PPP1R16A: variants seen among roughly 807,000 people sequenced by gnomAD.
The protein encoded by PPP1R16A is myosin phosphatase-targeting subunit 3.
Under a neutral mutation model 46.6 loss-of-function variants are expected in PPP1R16A, and 39 were observed. The observed-to-expected ratio is 0.84, with a 90% CI of 0.65 to 1.09. The LOEUF (loss-of-function observed/expected upper bound fraction) is 1.09, where lower values mean the gene tolerates loss of function less well. PPP1R16A is among the 50% of genes least tolerant of loss of function. PPP1R16A has a pLI of 0.00. For missense variants in PPP1R16A, 798 were observed against 735.6 expected, an observed-to-expected ratio of 1.08 and a Z score of -0.98; for synonymous variants, 413 against 321.5, an observed-to-expected ratio of 1.28 and a Z score of -3.04.
chr8:144,500,970 G>A lies in PPP1R16A; in HGVS notation c.1036G>A (p.Gly346Arg). 12 of 1,452,248 alleles carry A rather than the reference G, an allele frequency of 8.3e-6. No homozygotes were observed. The highest frequency in any genetic ancestry group is 9.9e-6 in the Non-Finnish European group (11 of 1,113,342). 90.0% of individuals were successfully genotyped at this position (1,452,248 alleles called of 1,614,324 possible). A position where few individuals can be genotyped will look rare whatever the true frequency, so the allele number is the denominator to read the frequency against. ...CCGCACCTCCAGCGCCGGCAGCCGC[G>A]GGTGAGCGCCGCCCCCAGCAGGCCC... The part of the protein sequence containing the change: ...RRRTSSAGSR[G>R]KVVRRVSLTQ... The change falls in exon 10 of 12, where the codon GGG (glycine) becomes AGG (arginine). Residue 346 changes from glycine to arginine, a missense_variant and splice_region_variant. Gly to Arg is a moderately radical substitution (Grantham distance 125). Coordinates refer to ENST00000435887, the MANE Select transcript of PPP1R16A (RefSeq NM_001329443.2).
rs1457651879 is a variant in PPP1R16A at position 144,501,543 on chromosome 8, G to A, written c.1227G>A (p.Arg409=). ...AGGAGGACAACCCCGAAGTGGTCAG[G>A]CCGCACAATGGCCGAGTAGGGGGCT... is the stretch of plus-strand genomic sequence containing the variant. ...PPEEDNPEVV[R]PHNGRVGGSP... is the part of the protein sequence containing the mutation. The change falls in exon 12 of 12, where the codon AGG becomes AGA. Residue 409 remains arginine, a synonymous_variant. Coordinates refer to ENST00000435887, the MANE Select transcript of PPP1R16A (RefSeq NM_001329443.2). 5.1e-6 allele frequency: 8 copies of A among 1,579,802 alleles called. No homozygotes were observed. The highest frequency in any genetic ancestry group is 2.3e-5 in the South Asian group (2 of 86,428).
In PPP1R16A at chr8:144,500,285, T is replaced by C. The variant is rs1826350405; in HGVS notation, c.599T>C (p.Ile200Thr). ...MADRGITQDSIEAARAVPELR... is the reference protein window; with the variant it reads ...MADRGITQDSTEAARAVPELR... ...CTCGCAGGCATCACCCAGGACAGCA[T>C]CGAGGCCGCCCGGGCCGTGCCAGAA... The change falls in exon 7 of 12, where the codon ATC becomes ACC. Residue 200 changes from isoleucine to threonine, a missense_variant. Ile to Thr is a moderately conservative substitution (Grantham distance 89). Transcript: ENST00000435887. 2 of 1,550,544 alleles carry C rather than the reference T, an allele frequency of 1.3e-6. No homozygotes were observed. Among genetic ancestry groups the C allele is most frequent in the Non-Finnish European group, 1.7e-6 (2 of 1,149,090 alleles).
chr8:144,484,343 TG>T (rs1825558389), intron 1 of PPP1R16A, among the ~76,000 whole-genome samples: 1 of 152,222 alleles, frequency 6.6e-6, no homozygotes, highest in Non-Finnish European at 1.5e-5. Flanking sequence ...ATCTACTCCG[TG>T]GGGGTTATGG....
At position 144,478,089 on chromosome 8, in the gene PPP1R16A, A is replaced by G. The variant is rs935794433; in HGVS notation, c.-952A>G. 5.1e-6 allele frequency: 2 copies of G among 395,746 alleles called. No homozygotes were observed. Among genetic ancestry groups the G allele is most frequent in the Non-Finnish European group, 8.9e-6 (2 of 224,120 alleles). The allele number at this position is 395,746 out of a possible 1,614,324, so 24.5% of individuals were successfully genotyped here. On this transcript the variant is annotated 5_prime_UTR_variant, in exon 1 of 12. Transcript: ENST00000435887. ...CGGGGCCCACTGACCCGCGGAAGCC[A>G]GCGGACCCACTTGTGCGGCGGTCGG... is the stretch of plus-strand genomic sequence containing the variant.
chr8:144,497,713 G>A (rs1299750595), intron 3 of PPP1R16A: 1 of 605,492 alleles, frequency 1.7e-6, no homozygotes, highest in South Asian at 1.7e-5. Context: ...CTCCTGCTGT[G>A]AGGTGAGCTG....
chr8:144,489,533 C>T (rs1336845588), intron 1 of PPP1R16A, among the ~76,000 whole-genome samples: 2 of 152,244 alleles, frequency 1.3e-5, no homozygotes, highest in Non-Finnish European at 2.9e-5. Context: ...GAGCAGTCTG[C>T]AGGCCCCGGG....
At chr8:144,481,599 G>A (rs1045509881) in intron 1 of PPP1R16A, among the ~76,000 whole-genome samples, 11 of 151,880 alleles carry the variant, frequency 7.2e-5, no homozygotes, top group Non-Finnish European at 1.0e-4. Context: ...AGCCGAGATC[G>A]CACCATTGCA....
At chr8:144,498,544 AC>A (rs1205290521) in intron 3 of PPP1R16A, 1 of 537,442 alleles carries the variant, frequency 1.9e-6, no homozygotes, top group African/African-American at 1.9e-5. Context: ...CTGGAGCACC[AC>A]CATGAAGGGC....
intron 2 of PPP1R16A, chr8:144,496,201 G>C (rs1254831248): frequency 6.6e-6 from 1 of 152,286 alleles, no homozygotes; most frequent in Non-Finnish European, 1.5e-5. Context: ...GCCCTTTCTG[G>C]AAAGGGTGGG....
At chr8:144,492,194 C>A (rs984857811) in intron 2 of PPP1R16A, among the ~76,000 whole-genome samples, 25 of 152,186 alleles carry the variant, frequency 1.6e-4, no homozygotes, top group Non-Finnish European at 2.9e-4. Context: ...GGCACTCGGG[C>A]TTTCACCCTG....
At chr8:144,492,334 CTTTT>C (rs5895821) in intron 2 of PPP1R16A, among the ~76,000 whole-genome samples, 5 of 131,760 alleles carry the variant, frequency 3.8e-5, no homozygotes, top group African/African-American at 8.5e-5. Flanking sequence ...AAAAGGTGTA[CTTTT>C]TTTTTTTTTT....
chr8:144,492,583 C>T (rs1227695863), intron 2 of PPP1R16A, among the ~76,000 whole-genome samples: 2 of 152,146 alleles, frequency 1.3e-5, no homozygotes, highest in African/African-American at 4.8e-5. Context: ...GATCTGCCCA[C>T]CTCGGCCTCC....
intron 2 of PPP1R16A, among the ~76,000 whole-genome samples, chr8:144,492,174 G>A (rs1564762875): frequency 6.6e-6 from 1 of 152,144 alleles, no homozygotes; most frequent in Non-Finnish European, 1.5e-5. Flanking sequence ...GATGCCACCC[G>A]CTGCACTGTG....
At chr8:144,483,215 G>A (rs1825508069) in intron 1 of PPP1R16A, among the ~76,000 whole-genome samples, 1 of 152,202 alleles carries the variant, frequency 6.6e-6, no homozygotes, top group South Asian at 2.1e-4. Context: ...GAACCAGGCA[G>A]TGTGTGTAAA....
At chr8:144,497,533 G>T in intron 3 of PPP1R16A, 80 bp downstream of exon 3, 2 of 1,576,852 alleles carry the variant, frequency 1.3e-6, no homozygotes, top group Non-Finnish European at 1.7e-6. Context: ...TGCCAAGGCT[G>T]GGGGCTGGGC....
Position 144,502,062 on chromosome 8 carries a change from T to G in PPP1R16A, c.*159T>G. 1.5e-6 allele frequency: 1 copy of G among 676,180 alleles called. No homozygotes were observed. Among genetic ancestry groups the G allele is most frequent in the Non-Finnish European group, 2.3e-6 (1 of 429,492 alleles). The allele number at this position is 676,180 out of a possible 1,614,324, so 41.9% of individuals were successfully genotyped here. ...GTCAGAAGACATGCCTGGAGGGATG[T>G]CTGGCTGCAAAGACTATTTTTATCC... On this transcript the variant is annotated 3_prime_UTR_variant, in exon 12 of 12. Coordinates refer to ENST00000435887, the MANE Select transcript of PPP1R16A (RefSeq NM_001329443.2).
chr8:144,484,484 C>T (rs1825564842), intron 1 of PPP1R16A, among the ~76,000 whole-genome samples: 1 of 152,220 alleles, frequency 6.6e-6, no homozygotes, highest in Admixed American at 6.5e-5. Context: ...TTCTTTTGGT[C>T]TAGGGCTGGC....
intron 1 of PPP1R16A, among the ~76,000 whole-genome samples, chr8:144,479,391 C>A (rs959419520): frequency 6.6e-6 from 1 of 152,268 alleles, no homozygotes; most frequent in South Asian, 2.1e-4. Flanking sequence ...GGGGTCCTTC[C>A]CCCTCCTGGT....
rs4378003 is a variant in PPP1R16A at position 144,501,163 on chromosome 8, A to G, written c.1072A>G (p.Thr358Ala). 6.5e-4 allele frequency: 1,045 copies of G among 1,610,564 alleles called. 6 individuals are homozygous for G. The African/African-American group carries it at 0.013, about 20-fold the overall frequency. The change falls in exon 11 of 12, where the codon ACC (threonine) becomes GCC (alanine). Residue 358 changes from threonine (T) to alanine (A), a missense_variant. Transcript: ENST00000435887. Reference protein sequence around the residue: ...VVRRVSLTQRTDLYRKQHAQE... With the variant: ...VVRRVSLTQRADLYRKQHAQE... Reference sequence around the variant, plus strand: ...GAGGCGGGTGAGCCTAACCCAGCGCACCGACCTGTACCGCAAGCAGCACGC... The same window carrying G: ...GAGGCGGGTGAGCCTAACCCAGCGCGCCGACCTGTACCGCAAGCAGCACGC...
Sources: allele counts gnomAD v4.1 joint callset (sites outside exome capture counted in the v4.1 genomes callset), GRCh38; gene constraint gnomAD v4.1.1; transcripts MANE v1.5; gene names NCBI Gene and HGNC (gene_info 2026-07-23, HGNC 2026-07-21).